Variants in IRF8 observed in about 807,000 individuals in gnomAD.
IRF8 encodes interferon regulatory factor 8, also known as interferon consensus sequence binding protein 1.
Under a neutral mutation model 48.7 loss-of-function variants are expected in IRF8, and 14 were observed. The observed-to-expected ratio is 0.29, with a 90% CI of 0.19 to 0.45. The LOEUF (loss-of-function observed/expected upper bound fraction) is 0.45, where lower values mean the gene tolerates loss of function less well. Ranked by LOEUF, IRF8 falls within the 20% of genes least tolerant of loss-of-function variation. The probability of loss-of-function intolerance (pLI) is 1.00; values close to 1 mark genes in which losing one functional copy is unlikely to be tolerated. For missense variants in IRF8, 493 were observed against 580.7 expected (o/e 0.85, Z 1.55); for synonymous variants, 278 against 227.3 (o/e 1.22, Z -2.01).
intron 2 of IRF8, among the ~76,000 whole-genome samples, chr16:85,904,365 G>A (rs1392697228): frequency 6.6e-6 from 1 of 152,146 alleles, no homozygotes; most frequent in Non-Finnish European, 1.5e-5. Flanking sequence ...GGCTGTAGGA[G>A]CCCATGACAG....
chr16:85,906,535 C>G (rs766536723), intron 2 of IRF8, among the ~76,000 whole-genome samples: 1 of 152,268 alleles, frequency 6.6e-6, no homozygotes, highest in Non-Finnish European at 1.5e-5. Flanking sequence ...TGGATGCTTC[C>G]TGGCCGTGGG....
intron 6 of IRF8, among the ~76,000 whole-genome samples, chr16:85,915,078 C>T (rs901851582): frequency 2.0e-5 from 3 of 152,224 alleles, no homozygotes; most frequent in East Asian, 1.9e-4. Context: ...CTGCCCACCA[C>T]CTCTAGGTGG....
rs10604224 is a variant in IRF8 at position 85,920,239 on chromosome 16, CTTTTTT to C, written c.1104+35_1104+40del. On this transcript the variant is annotated intron_variant, in intron 8 of 8. Transcript: ENST00000268638. ...TTCTCGTGCAGGTAAGTATGGGCAGCTTTTTTTTTTTTTTTTTTTTTTTTTGAGATG... is the reference window on the plus strand; with the variant it reads ...TTCTCGTGCAGGTAAGTATGGGCAGCTTTTTTTTTTTTTTTTTTTGAGATG... The C allele has an allele frequency of 2.1e-3, 1,007 of 485,020 alleles. No homozygotes were observed. Among genetic ancestry groups the C allele is most frequent in the East Asian group, 4.3e-3 (77 of 17,944 alleles). 30.0% of individuals were successfully genotyped at this position (485,020 alleles called of 1,614,324 possible).
chr16:85,903,428 CTCTTT>C, intron 2 of IRF8: 1 of 512,236 alleles, frequency 2.0e-6, no homozygotes, highest in Non-Finnish European at 3.5e-6. Flanking sequence ...AGATCGAAGG[CTCTTT>C]TCTTCTCTTT....
chr16:85,914,396 GAGA>G (rs1905233965), intron 5 of IRF8, 74 bp from the exon 6 acceptor site: 1 of 1,571,224 alleles, frequency 6.4e-7, no homozygotes, highest in East Asian at 2.2e-5. Flanking sequence ...GGGACTTTTG[GAGA>G]AGGAGCGATT....
At chr16:85,903,219 G>T in intron 2 of IRF8, 30 bp downstream of exon 2, 2 of 1,591,092 alleles carry the variant, frequency 1.3e-6, no homozygotes, top group South Asian at 2.2e-5. Context: ...TCCCCACTGT[G>T]GGCACAGTGT....
At chr16:85,906,661 C>T (rs777541555) in intron 2 of IRF8, among the ~76,000 whole-genome samples, 12 of 152,292 alleles carry the variant, frequency 7.9e-5, no homozygotes, top group South Asian at 2.1e-4. Flanking sequence ...TGTGTACCAG[C>T]GGATCACAAC....
chr16:85,918,918 G>A lies in IRF8; in HGVS notation c.988+115G>A. 3 of 1,349,816 alleles carry A rather than the reference G, an allele frequency of 2.2e-6. No individual in the cohort carries two copies. In the African/African-American group the frequency reaches 4.3e-5, roughly 19 times the overall value. 83.6% of individuals were successfully genotyped at this position (1,349,816 alleles called of 1,614,324 possible). ...TCTCATGGAGGGATGTGGAGGAGGA[G>A]TGAGGGGCATGGTGTGGCAAGGAGG... On this transcript the variant is annotated intron_variant, in intron 7 of 8. Coordinates refer to ENST00000268638, the MANE Select transcript of IRF8 (RefSeq NM_002163.4).
intron 6 of IRF8, among the ~76,000 whole-genome samples, chr16:85,917,239 C>G (rs532415366): frequency 4.6e-5 from 7 of 152,162 alleles, no homozygotes; most frequent in African/African-American, 1.7e-4. Context: ...AGCCTCGAAC[C>G]GGTCTGGGGT....
chr16:85,909,440 G>T (rs1905085395), intron 3 of IRF8: 2 of 484,100 alleles, frequency 4.1e-6, no homozygotes, highest in South Asian at 4.2e-5. Context: ...ACAGGAACAA[G>T]CATCCTCCAG....
intron 1 of IRF8, 187 bp from the exon 2 acceptor site, chr16:85,902,828 C>T: frequency 1.5e-6 from 1 of 668,584 alleles, no homozygotes; most frequent in East Asian, 2.7e-5. Context: ...GCACTCAGGG[C>T]TGTGAGGTCA....
In IRF8 at chr16:85,918,477, C is replaced by G. The variant is rs1365396068; in HGVS notation, c.662C>G (p.Thr221Ser). 4 of 1,590,416 alleles carry G rather than the reference C, an allele frequency of 2.5e-6. No homozygotes were observed. Among genetic ancestry groups the G allele is most frequent in the Non-Finnish European group, 3.4e-6 (4 of 1,174,706 alleles). ...YGGKLVGQAT[T>S]TCPEGCRLSL... ...GGCAAGCTGGTGGGCCAGGCCACCA[C>G]CACCTGCCCCGAGGGCTGCCGCCTG... Residue 221 changes from threonine (T) to serine (S), a missense_variant, in exon 7 of 9, where the codon ACC becomes AGC. By Grantham distance (58) the Thr-to-Ser change is moderately conservative. This residue lies in a region of IRF8 where 408 missense variants were observed against 449.6 expected (regional missense o/e 0.91). Coordinates refer to ENST00000268638, the MANE Select transcript of IRF8 (RefSeq NM_002163.4).
In IRF8 at chr16:85,921,036, G is replaced by A. The variant is rs1905540319; in HGVS notation, c.1105-70G>A. 5.4e-6 allele frequency: 8 copies of A among 1,486,820 alleles called. No homozygotes were observed. The Admixed American group carries it at 1.2e-4, about 22-fold the overall frequency. The allele number at this position is 1,486,820 out of a possible 1,614,324, so 92.1% of individuals were successfully genotyped here. On this transcript the variant is annotated intron_variant, in intron 8 of 8. Transcript: ENST00000268638. ...TGGGGTCATCAGAGGACCTGGCTAGGGTCAAAGACAGTGCCCACCCCCTTT... is the reference window on the plus strand; with the variant it reads ...TGGGGTCATCAGAGGACCTGGCTAGAGTCAAAGACAGTGCCCACCCCCTTT...
chr16:85,913,287 C>T (rs763466114), intron 5 of IRF8, 51 bp downstream of exon 5: 78 of 1,286,492 alleles, frequency 6.1e-5, no homozygotes, highest in Non-Finnish European at 6.9e-5. Flanking sequence ...GAAGGGTTTA[C>T]GGCATTCCAC....
At position 85,921,381 on chromosome 16, in the gene IRF8, G is replaced by C. The variant is rs1229883540; in HGVS notation, c.*99G>C. On this transcript the variant is annotated 3_prime_UTR_variant, in exon 9 of 9. Transcript: ENST00000268638. ...TAAAGAATGTGGATCCCTCTGTCTGGGGTGGGATGCCTTACTTTGCACTTA... is the reference window on the plus strand; with the variant it reads ...TAAAGAATGTGGATCCCTCTGTCTGCGGTGGGATGCCTTACTTTGCACTTA... The C allele has an allele frequency of 1.7e-5, 22 of 1,298,240 alleles. No homozygotes were observed. In the East Asian group the frequency reaches 4.4e-4, roughly 26 times the overall value. 80.4% of individuals were successfully genotyped at this position (1,298,240 alleles called of 1,614,324 possible).
At chr16:85,903,926 G>T (rs1420843807) in intron 2 of IRF8, among the ~76,000 whole-genome samples, 1 of 152,200 alleles carries the variant, frequency 6.6e-6, no homozygotes, top group Non-Finnish European at 1.5e-5. Flanking sequence ...GCCCAACTGT[G>T]AACCCTTGGT....
Position 85,918,426 on chromosome 16 carries a change from A to G in IRF8, c.611A>G (p.Gln204Arg). The stretch of plus-strand genomic sequence containing the variant: ...TCCCTCTTGTCCACAGCATTCTCCC[A>G]GATGGTGATCAGCTTCTACTATGGG... Reference protein sequence around the residue: ...TYDAHHSAFSQMVISFYYGGK... With the variant: ...TYDAHHSAFSRMVISFYYGGK... Residue 204 changes from glutamine to arginine, a missense_variant, in exon 7 of 9, where the codon CAG becomes CGG. By Grantham distance (43) the Gln-to-Arg change is conservative (BLOSUM62 1). Transcript: ENST00000268638. 6.3e-7 allele frequency: 1 copy of G among 1,595,298 alleles called. No homozygotes were observed.
intron 1 of IRF8, among the ~76,000 whole-genome samples, chr16:85,899,917 C>T (rs1383723017): frequency 1.3e-5 from 2 of 152,276 alleles, no homozygotes; most frequent in Admixed American, 6.5e-5. Flanking sequence ...AAAGGCTTTA[C>T]GGATGGAAAC....
At chr16:85,908,199 C>T (rs1905056989) in intron 2 of IRF8, among the ~76,000 whole-genome samples, 2 of 152,240 alleles carry the variant, frequency 1.3e-5, no homozygotes, top group South Asian at 2.1e-4. Flanking sequence ...AGATAATTCT[C>T]ATCTGACTGT....
Sources: gnomAD v4.1 joint callset for allele counts (sites outside exome capture counted in the v4.1 genomes callset) on GRCh38, gnomAD v4.1.1 for gene constraint, gnomAD v4.1.1 regional missense constraint, MANE v1.5 for transcripts, NCBI Gene and HGNC (gene_info 2026-07-23, HGNC 2026-07-21) for gene names.